Variants in ATRN observed in about 807,000 individuals in gnomAD.
ATRN encodes attractin.
Under a neutral mutation model 178.7 loss-of-function variants are expected in ATRN, and 54 were observed. That is an observed-to-expected ratio of 0.30 (90% CI 0.24 to 0.38). ATRN has a LOEUF of 0.38. ATRN is among the 10% of genes least tolerant of loss of function. The pLI is 1.00. For missense variants in ATRN, 1,443 were observed against 1,815.1 expected, an observed-to-expected ratio of 0.79 and a Z score of 3.73; for synonymous variants, 636 against 663.0, an observed-to-expected ratio of 0.96 and a Z score of 0.63.
At chr20:3,471,606 C>T (rs372916008) in intron 1 of ATRN, 89 bp downstream of exon 1, 10 of 1,343,046 alleles carry the variant, frequency 7.4e-6, no homozygotes, top group Admixed American at 4.1e-5. Context: ...GAGGGAGATG[C>T]TGGACAGAAA....
chr20:3,616,582 G>A (rs758037788), intron 24 of ATRN, among the ~76,000 whole-genome samples: 2 of 152,198 alleles, frequency 1.3e-5, no homozygotes, highest in African/African-American at 2.4e-5. Flanking sequence ...ACAGTGCTAT[G>A]AGCAAGAAGG....
At chr20:3,601,713 A>C (rs1010392141) in intron 23 of ATRN, among the ~76,000 whole-genome samples, 1 of 150,962 alleles carries the variant, frequency 6.6e-6, no homozygotes, top group East Asian at 1.9e-4. Context: ...AAAAAAAAAA[A>C]AAAACCCAGG....
At chr20:3,494,050 G>A (rs2084844341) in intron 1 of ATRN, among the ~76,000 whole-genome samples, 1 of 152,220 alleles carries the variant, frequency 6.6e-6, no homozygotes, top group South Asian at 2.1e-4. Flanking sequence ...CAAACCACAT[G>A]ATAAGTTTAC....
rs894127977 is a variant in ATRN, at chr20:3,645,319, A to C, written c.4165+1051A>C. ...GGTTAGGATCTATAGTATCTTCACG[A>C]GGGAGGCCTTTCGACATGGCTCGGC... On this transcript the variant is annotated intron_variant, in intron 28 of 28. Coordinates refer to ENST00000262919, the MANE Select transcript of ATRN (RefSeq NM_139321.3). The surrounding 1 kb of genome is among the most constrained non-coding windows in gnomAD (Gnocchi z 4.7). 2.0e-5 allele frequency among the ~76,000 whole-genome samples: 3 copies of C among 152,236 alleles called. No individual in the cohort carries two copies. The highest frequency in any genetic ancestry group is 7.2e-5 in the African/African-American group (3 of 41,468).
chr20:3,575,887 A>G lies in ATRN; in HGVS notation c.2153A>G (p.Asn718Ser), dbSNP rs1370473181. ...TDCYSCTANT[N>S]DCHWCNDHCV... ...TGTTACAGCTGCACAGCCAACACCA[A>G]TGACTGCCACTGGTGCAATGACCAT... Residue 718 changes from asparagine to serine, a missense_variant, in exon 13 of 29, where the codon AAT (asparagine) becomes AGT (serine). By Grantham distance (46) the Asn-to-Ser change is conservative. Around this residue, in one of 4 missense-constraint regions of ATRN, gnomAD observed 862 missense variants for 972.1 expected, o/e 0.89. Transcript: ENST00000262919. 1.5e-5 allele frequency: 25 copies of G among 1,613,980 alleles called. No individual in the cohort carries two copies. The highest frequency in any genetic ancestry group is 2.2e-5 in the East Asian group (1 of 44,890).
At chr20:3,627,296 G>T (rs1045983745) in intron 25 of ATRN, among the ~76,000 whole-genome samples, 1 of 152,042 alleles carries the variant, frequency 6.6e-6, no homozygotes, top group East Asian at 1.9e-4. Flanking sequence ...AACCTCTAGG[G>T]GTGCACCCCA....
At chr20:3,616,795 G>A (rs1280332832) in intron 24 of ATRN, among the ~76,000 whole-genome samples, 1 of 152,122 alleles carries the variant, frequency 6.6e-6, no homozygotes, top group Admixed American at 6.5e-5. Context: ...GGAGGTCCAG[G>A]AGTCCAGGGA....
intron 24 of ATRN, among the ~76,000 whole-genome samples, chr20:3,624,300 G>C (rs560897939): frequency 4.0e-4 from 61 of 152,328 alleles, no homozygotes; most frequent in African/African-American, 1.4e-3. Context: ...GGGGCTGCAG[G>C]AGGCTGTGCT....
At chr20:3,593,450 T>C (rs1600139843) in intron 19 of ATRN, among the ~76,000 whole-genome samples, 1 of 152,178 alleles carries the variant, frequency 6.6e-6, no homozygotes, top group African/African-American at 2.4e-5. Context: ...ACTGTTGTTA[T>C]CCCCATCATA....
intron 1 of ATRN, among the ~76,000 whole-genome samples, chr20:3,491,940 A>G (rs1291322809): frequency 1.3e-5 from 2 of 152,180 alleles, no homozygotes; most frequent in East Asian, 1.9e-4. Context: ...GTTAAATATC[A>G]GGATCCTTAA....
chr20:3,641,825 A>T (rs552151795), intron 27 of ATRN, among the ~76,000 whole-genome samples: 3 of 151,706 alleles, frequency 2.0e-5, no homozygotes, highest in Non-Finnish European at 4.4e-5. Flanking sequence ...ACCTGCACAA[A>T]AGAAATGTCT....
chr20:3,484,138 A>C (rs1017589615), intron 1 of ATRN, among the ~76,000 whole-genome samples: 9 of 152,036 alleles, frequency 5.9e-5, no homozygotes, highest in Non-Finnish European at 1.2e-4. Flanking sequence ...AGTCTTAGCT[A>C]CTTGGGAAGT....
intron 24 of ATRN, among the ~76,000 whole-genome samples, chr20:3,622,517 G>A (rs77822838): frequency 0.016 from 2,405 of 152,268 alleles, 62 homozygotes; most frequent in African/African-American, 0.054. Flanking sequence ...TAATTACCTC[G>A]TGTAATTTTT....
chr20:3,569,693 C>T (rs1449206495), intron 11 of ATRN, among the ~76,000 whole-genome samples: 1 of 152,234 alleles, frequency 6.6e-6, no homozygotes, highest in Admixed American at 6.5e-5. Context: ...TGCAGGACCA[C>T]ATACATGACT....
At chr20:3,559,212 C>A (rs1320459307) in intron 6 of ATRN, among the ~76,000 whole-genome samples, 181 bp from the exon 7 acceptor site, 2 of 152,190 alleles carry the variant, frequency 1.3e-5, no homozygotes, top group Non-Finnish European at 2.9e-5. Flanking sequence ...AGCTCCTCTT[C>A]CTGAGTTATC....
At chr20:3,497,278 A>G (rs1393995452) in intron 1 of ATRN, among the ~76,000 whole-genome samples, 1 of 150,994 alleles carries the variant, frequency 6.6e-6, no homozygotes, top group African/African-American at 2.4e-5. Flanking sequence ...ACATTTTGGC[A>G]TGATTTTGCA....
At chr20:3,625,399 AC>A (rs1209461607) in intron 25 of ATRN, among the ~76,000 whole-genome samples, 5 of 152,122 alleles carry the variant, frequency 3.3e-5, no homozygotes, top group African/African-American at 1.2e-4. Context: ...ACTCTTATTC[AC>A]AGCTGCATTG....
At chr20:3,528,516 C>T (rs2085405766) in intron 1 of ATRN, among the ~76,000 whole-genome samples, 1 of 152,102 alleles carries the variant, frequency 6.6e-6, no homozygotes, top group Admixed American at 6.5e-5. Flanking sequence ...CACATACTCT[C>T]ACTTACAAGT....
intron 1 of ATRN, among the ~76,000 whole-genome samples, chr20:3,505,373 G>C (rs933679273): frequency 2.0e-5 from 3 of 152,092 alleles, no homozygotes; most frequent in Admixed American, 6.5e-5. Flanking sequence ...CAGCTCCCTT[G>C]GTTCTCAGGC....
Sources: gnomAD v4.1 joint callset for allele counts (sites outside exome capture counted in the v4.1 genomes callset) on GRCh38, gnomAD v4.1.1 for gene constraint, gnomAD v4.1.1 regional missense constraint, Gnocchi (gnomAD v3.1) non-coding constraint, MANE v1.5 for transcripts, NCBI Gene and HGNC (gene_info 2026-07-23, HGNC 2026-07-21) for gene names.